Variants in SOX5 observed in about 807,000 individuals in gnomAD.
SOX5 encodes the protein SRY-box transcription factor 5.
SOX5 carries 9 observed loss-of-function variants against 92.0 expected under a neutral mutation model. The observed-to-expected ratio is 0.10, with a 90% confidence interval of 0.06 to 0.17. The LOEUF (loss-of-function observed/expected upper bound fraction) is 0.17, where lower values mean the gene tolerates loss of function less well. SOX5 is among the 10% of genes least tolerant of loss of function. SOX5 has a pLI of 1.00. For synonymous variants in SOX5, 344 were observed against 336.3 expected (o/e 1.02, Z -0.25); for missense variants, 642 against 944.5 (o/e 0.68, Z 4.20).
chr12:23,638,887 C>CAAAAAAAA (rs57608068), intron 8 of SOX5, among the ~76,000 whole-genome samples: 1 of 119,720 alleles, frequency 8.4e-6, no homozygotes. Context: ...TTTCTCACTG[C>CAAAAAAAA]AAAAAAAAAA....
At chr12:24,256,985 T>G (rs1480675860) in intron 3 of SOX5, among the ~76,000 whole-genome samples, 1 of 152,204 alleles carries the variant, frequency 6.6e-6, no homozygotes, top group Non-Finnish European at 1.5e-5. Context: ...CTGGGCTTTC[T>G]GCAGAGAAAA....
At chr12:23,582,309 A>C (rs904790858) in intron 9 of SOX5, 20 of 983,882 alleles carry the variant, frequency 2.0e-5, no homozygotes, top group Non-Finnish European at 2.3e-5. Context: ...AAAACAAACA[A>C]GTATCATGAG....
At chr12:23,804,928 T>TATAC (rs2095738164) in intron 3 of SOX5, among the ~76,000 whole-genome samples, 1 of 12,688 alleles carries the variant, frequency 7.9e-5, no homozygotes, top group East Asian at 6.3e-3. Context: ...TATATATATA[T>TATAC]ATATATATAT....
chr12:23,784,776 C>T (rs1223155846), intron 3 of SOX5, among the ~76,000 whole-genome samples: 1 of 152,106 alleles, frequency 6.6e-6, no homozygotes, highest in Non-Finnish European at 1.5e-5. Flanking sequence ...TTCTTCATGG[C>T]ATCAGAAAAA....
At chr12:23,670,126 G>A (rs2084526476) in intron 6 of SOX5, among the ~76,000 whole-genome samples, 1 of 151,998 alleles carries the variant, frequency 6.6e-6, no homozygotes, top group African/African-American at 2.4e-5. Context: ...AAAAGCCAAG[G>A]GAATTTCAAG....
chr12:24,189,427 G>A (rs1956313244), intron 4 of SOX5, among the ~76,000 whole-genome samples: 1 of 152,162 alleles, frequency 6.6e-6, no homozygotes. Flanking sequence ...ACTGTTGATA[G>A]GTGATTTCAA....
chr12:23,574,559 A>G (rs965126679), intron 10 of SOX5, among the ~76,000 whole-genome samples: 5 of 152,118 alleles, frequency 3.3e-5, no homozygotes, highest in African/African-American at 1.2e-4. Context: ...TTTTTAATCC[A>G]TTCTCTCCTT....
chr12:23,815,086 A>G lies in SOX5; in HGVS notation c.481+30897T>C, dbSNP rs563158394. ...ATCTTTATGGAAGGGCCAAGATTAC[A>G]ATGGTCATTCCTGTTAGAATCAAAG... is the stretch of plus-strand genomic sequence containing the variant. On this transcript the variant is annotated intron_variant, in intron 3 of 14. Transcript: ENST00000451604. Among the ~76,000 whole-genome samples the G allele has an allele frequency of 7.9e-5, 12 of 152,318 alleles. No homozygotes were observed. The East Asian group carries it at 1.4e-3, about 17-fold the overall frequency.
chr12:24,090,053 T>G (rs1172933448), intron 4 of SOX5, among the ~76,000 whole-genome samples: 3 of 152,180 alleles, frequency 2.0e-5, no homozygotes, highest in Non-Finnish European at 4.4e-5. Flanking sequence ...TAAGACATTT[T>G]AATGACTAAA....
chr12:23,626,090 GAAAAAAGGAAAGA>G lies in SOX5; in HGVS notation c.1017+14709_1017+14721del, dbSNP rs527385596. Among the ~76,000 whole-genome samples the G allele has an allele frequency of 7.1e-3, 1,075 of 151,794 alleles. 7 individuals are homozygous for G. The highest frequency in any genetic ancestry group is 0.012 in the Non-Finnish European group (841 of 67,874). ...AGTTAAAAATAGAGGAAAAAATGAA[GAAAAAAGGAAAGA>G]GAAAAAGAAAGAGACAGAGAAACGG... On this transcript the variant is annotated intron_variant, in intron 8 of 14. Transcript: ENST00000451604.
At chr12:24,362,835 A>G (rs16927527) in intron 2 of SOX5, among the ~76,000 whole-genome samples, 1,706 of 151,340 alleles carry the variant, frequency 0.011, 37 homozygotes, top group African/African-American at 0.039. Context: ...GATCTCAGAA[A>G]GAAAATCACA....
At chr12:24,151,968 T>C (rs1951702975) in intron 4 of SOX5, among the ~76,000 whole-genome samples, 6 of 152,126 alleles carry the variant, frequency 3.9e-5, no homozygotes, top group Non-Finnish European at 2.9e-5. Flanking sequence ...ATATCTTATT[T>C]CTGGCTTTGA....
rs943511871 is a variant in SOX5 at position 23,851,071 on chromosome 12, G to T, written c.271-4878C>A. ...ACAATTAGGTTATTTTAAAAAACCA[G>T]TTGCTTGCAAAAGAAAAAAAAAACC... On this transcript the variant is annotated intron_variant, in intron 2 of 14. Transcript: ENST00000451604. 2.4e-4 allele frequency among the ~76,000 whole-genome samples: 37 copies of T among 151,234 alleles called. 1 individual carries two copies. The highest frequency in any genetic ancestry group is 2.2e-3 in the Admixed American group (34 of 15,176).
chr12:23,654,230 T>A (rs2082034437), intron 7 of SOX5, among the ~76,000 whole-genome samples: 1 of 152,092 alleles, frequency 6.6e-6, no homozygotes, highest in Admixed American at 6.6e-5. Flanking sequence ...AGTTAAAGAA[T>A]AAAATAATCT....
chr12:24,192,388 G>A (rs1252404629), intron 4 of SOX5, among the ~76,000 whole-genome samples: 1 of 151,492 alleles, frequency 6.6e-6, no homozygotes, highest in African/African-American at 2.4e-5. Context: ...AACCCTGTAG[G>A]AATATAATAG....
At chr12:24,488,513 G>C (rs1474966461) in intron 1 of SOX5, among the ~76,000 whole-genome samples, 1 of 152,096 alleles carries the variant, frequency 6.6e-6, no homozygotes, top group African/African-American at 2.4e-5. Flanking sequence ...TCAAACCCAG[G>C]AGTTCAAGGC....
At chr12:24,165,988 GAT>G (rs1565570250) in intron 4 of SOX5, among the ~76,000 whole-genome samples, 1 of 152,086 alleles carries the variant, frequency 6.6e-6, no homozygotes, top group African/African-American at 2.4e-5. Context: ...TAGAAGCAGC[GAT>G]ATGTTTAAAG....
intron 4 of SOX5, among the ~76,000 whole-genome samples, chr12:24,148,702 A>G (rs1343976324): frequency 1.7e-5 from 2 of 115,356 alleles, no homozygotes; most frequent in South Asian, 2.6e-4. Flanking sequence ...AAAAAAAAAA[A>G]AAAAAAAAAA....
chr12:23,755,143 T>C lies in SOX5; in HGVS notation c.568+495A>G, dbSNP rs573397276. Among the ~76,000 whole-genome samples the C allele has an allele frequency of 9.9e-5, 15 of 151,916 alleles. No individual in the cohort carries two copies. In the East Asian group the frequency reaches 2.7e-3, roughly 28 times the overall value. ...TTATAGAACTTTTCTTAGCTGGATG[T>C]AATTGCTGATTCAAATAAAACCAAA... On this transcript the variant is annotated intron_variant, in intron 4 of 14. Coordinates refer to ENST00000451604, the MANE Select transcript of SOX5 (RefSeq NM_006940.6).
Sources: allele counts gnomAD v4.1 joint callset (sites outside exome capture counted in the v4.1 genomes callset), GRCh38; gene constraint gnomAD v4.1.1; transcripts MANE v1.5; gene names NCBI Gene and HGNC (gene_info 2026-07-23, HGNC 2026-07-21).